Variants in NEK11 observed in about 807,000 individuals in gnomAD.
NEK11 encodes NIMA related kinase 11, also known as serine/threonine-protein kinase Nek11.
NEK11 carries 72 observed loss-of-function variants against 80.7 expected under a neutral mutation model. The observed-to-expected ratio is 0.89, with a 90% CI of 0.74 to 1.08. NEK11 has a LOEUF of 1.08. Among genes scored for constraint, NEK11 ranks in the 50% least tolerant of loss-of-function variants. The pLI is 0.00. For missense variants in NEK11, 764 were observed against 763.6 expected, an observed-to-expected ratio of 1.00 and a Z score of -0.01; for synonymous variants, 251 against 260.7, an observed-to-expected ratio of 0.96 and a Z score of 0.36.
intron 14 of NEK11, among the ~76,000 whole-genome samples, chr3:131,179,338 A>G (rs1211918565): frequency 1.3e-5 from 2 of 152,242 alleles, no homozygotes; most frequent in Non-Finnish European, 2.9e-5. Flanking sequence ...AGATAGGCTA[A>G]GAAAAGGACA....
At chr3:131,147,638 G>A (rs1290220054) in intron 7 of NEK11, among the ~76,000 whole-genome samples, 2 of 151,994 alleles carry the variant, frequency 1.3e-5, no homozygotes, top group Non-Finnish European at 2.9e-5. Flanking sequence ...TAGGATTTTG[G>A]TTGGTATTTC....
rs560547098 is a variant in NEK11 at position 131,235,954 on chromosome 3, G to C, written c.1560+7266G>C. ...TGACAGCTCCAAAGTGTGTGAAAAT[G>C]GACTATGAGCTGATGATTTAAAATC... On this transcript the variant is annotated intron_variant, in intron 15 of 17. Coordinates refer to ENST00000383366, the MANE Select transcript of NEK11 (RefSeq NM_024800.5). Among the ~76,000 whole-genome samples the C allele has an allele frequency of 2.0e-5, 3 of 152,244 alleles. No individual in the cohort carries two copies. In the South Asian group the frequency reaches 6.2e-4, roughly 32 times the overall value.
At chr3:131,150,047 T>C (rs77991914) in intron 7 of NEK11, among the ~76,000 whole-genome samples, 2,043 of 152,188 alleles carry the variant, frequency 0.013, 28 homozygotes, top group East Asian at 0.08. Flanking sequence ...TTAAAAGTGT[T>C]TTCTAATTTC....
intron 3 of NEK11, among the ~76,000 whole-genome samples, chr3:131,048,663 T>C (rs1488793747): frequency 1.3e-5 from 2 of 152,136 alleles, no homozygotes; most frequent in Non-Finnish European, 1.5e-5. Flanking sequence ...GCAGCAGCAA[T>C]CCGCTTCCTT....
intron 17 of NEK11, among the ~76,000 whole-genome samples, chr3:131,348,905 C>T (rs531935733): frequency 6.6e-6 from 1 of 152,092 alleles, no homozygotes; most frequent in Admixed American, 6.5e-5. Context: ...TAGAAAAGGA[C>T]CTGGCAAGTG....
At chr3:131,095,340 C>T (rs1282860551) in intron 4 of NEK11, among the ~76,000 whole-genome samples, 2 of 152,038 alleles carry the variant, frequency 1.3e-5, no homozygotes, top group African/African-American at 4.8e-5. Flanking sequence ...TGTCAGAGTT[C>T]TTTCCATGAA....
At chr3:131,249,554 G>A (rs2095663799) in intron 16 of NEK11, among the ~76,000 whole-genome samples, 1 of 152,048 alleles carries the variant, frequency 6.6e-6, no homozygotes. Context: ...CAAAGGACAG[G>A]GTGATGTGAT....
intron 7 of NEK11, among the ~76,000 whole-genome samples, chr3:131,143,701 A>T (rs576105045): frequency 1.3e-5 from 2 of 152,076 alleles, no homozygotes; most frequent in Admixed American, 1.3e-4. Context: ...GGTCATTCAT[A>T]AAAAATTGCT....
intron 5 of NEK11, among the ~76,000 whole-genome samples, chr3:131,121,999 G>A (rs1317423414): frequency 6.6e-6 from 1 of 152,160 alleles, no homozygotes; most frequent in African/African-American, 2.4e-5. Flanking sequence ...TGTCCAGCAA[G>A]CCCCAGTGAG....
chr3:131,165,555 T>G (rs374459206), intron 12 of NEK11, 36 bp downstream of exon 12: 4 of 1,377,952 alleles, frequency 2.9e-6, no homozygotes, highest in Non-Finnish European at 4.1e-6. Context: ...TACATAAAAA[T>G]TTTTCTTGCT....
chr3:131,274,933 G>A (rs554517202), intron 17 of NEK11, among the ~76,000 whole-genome samples: 6 of 151,524 alleles, frequency 4.0e-5, no homozygotes, highest in South Asian at 4.2e-4. Flanking sequence ...GATTACAGGC[G>A]TGAGCCACCG....
chr3:131,190,429 T>G (rs1382611272), intron 14 of NEK11, among the ~76,000 whole-genome samples: 1 of 152,164 alleles, frequency 6.6e-6, no homozygotes, highest in Non-Finnish European at 1.5e-5. Context: ...AATGAGTGAT[T>G]TCTCACTTGA....
intron 17 of NEK11, among the ~76,000 whole-genome samples, chr3:131,305,965 T>C (rs936602834): frequency 6.6e-6 from 1 of 152,240 alleles, no homozygotes; most frequent in Non-Finnish European, 1.5e-5. Context: ...CTCTTGGCTG[T>C]GTCTAGGCAG....
chr3:131,215,919 T>C (rs2094819736), intron 14 of NEK11, among the ~76,000 whole-genome samples: 1 of 152,210 alleles, frequency 6.6e-6, no homozygotes, highest in Non-Finnish European at 1.5e-5. Flanking sequence ...CCTAGAACAG[T>C]GCTGTCCAGT....
chr3:131,142,101 G>C (rs1406462592), intron 7 of NEK11, among the ~76,000 whole-genome samples: 2 of 152,204 alleles, frequency 1.3e-5, no homozygotes. Flanking sequence ...CCAGGACACA[G>C]GTTATGCTCT....
At chr3:131,127,715 A>C (rs1240091379) in intron 5 of NEK11, among the ~76,000 whole-genome samples, 2 of 152,126 alleles carry the variant, frequency 1.3e-5, no homozygotes, top group Non-Finnish European at 2.9e-5. Flanking sequence ...AATGCTGAAC[A>C]ATATATGTGA....
intron 17 of NEK11, among the ~76,000 whole-genome samples, chr3:131,303,249 A>T (rs751198092): frequency 3.9e-5 from 6 of 152,144 alleles, no homozygotes; most frequent in Non-Finnish European, 5.9e-5. Flanking sequence ...TCTTTTGAAG[A>T]CAGCATATAG....
At chr3:131,055,486 A>T (rs1201073819) in intron 3 of NEK11, among the ~76,000 whole-genome samples, 1 of 152,214 alleles carries the variant, frequency 6.6e-6, no homozygotes, top group African/African-American at 2.4e-5. Context: ...CTGTATTCTT[A>T]GCACTTTGGG....
intron 14 of NEK11, among the ~76,000 whole-genome samples, chr3:131,203,643 G>T (rs1298343252): frequency 5.8e-5 from 6 of 102,798 alleles, no homozygotes; most frequent in Admixed American, 3.1e-4. Context: ...CGGTGATATT[G>T]TGATACACAC....
Sources: allele counts gnomAD v4.1 joint callset (sites outside exome capture counted in the v4.1 genomes callset), GRCh38; gene constraint gnomAD v4.1.1; transcripts MANE v1.5; gene names NCBI Gene and HGNC (gene_info 2026-07-23, HGNC 2026-07-21).